Variants in TUSC3 observed in about 807,000 individuals in gnomAD.
TUSC3 encodes the protein dolichyl-diphosphooligosaccharide--protein glycosyltransferase subunit TUSC3.
In TUSC3, 45 loss-of-function variants were observed where a neutral mutation model predicts 44.8. That is an observed-to-expected ratio of 1.00 (90% CI 0.79 to 1.29). TUSC3 has a LOEUF of 1.29. TUSC3 is among the 50% of genes most tolerant of loss of function. The pLI, the probability that TUSC3 is intolerant of heterozygous loss-of-function variation, is 0.00. For missense variants in TUSC3, 519 were observed against 437.9 expected, an observed-to-expected ratio of 1.19 and a Z score of -1.65; for synonymous variants, 212 against 152.9, an observed-to-expected ratio of 1.39 and a Z score of -2.85.
At chr8:15,766,911 G>A (rs1243695993), downstream of TUSC3, among the ~76,000 whole-genome samples, 2 of 152,090 alleles carry the variant, frequency 1.3e-5, no homozygotes, top group Admixed American at 6.6e-5. Flanking sequence ...TCACTGGGGC[G>A]AACACATTAG....
intron 6 of TUSC3, among the ~76,000 whole-genome samples, chr8:15,699,271 A>G (rs201059950): frequency 1.2e-4 from 15 of 129,566 alleles, no homozygotes; most frequent in African/African-American, 4.0e-4. Flanking sequence ...GTAATTAATT[A>G]ATTCATTAAT....
chr8:15,476,939 T>C (rs2129123850), intron 1 of TUSC3, among the ~76,000 whole-genome samples: 1 of 152,320 alleles, frequency 6.6e-6, no homozygotes, highest in East Asian at 1.9e-4. Flanking sequence ...AGGCAGCCAA[T>C]CAGAGGCTAA....
intron 7 of TUSC3, among the ~76,000 whole-genome samples, chr8:15,737,986 C>T (rs1403100876): frequency 2.0e-5 from 3 of 152,108 alleles, no homozygotes; most frequent in South Asian, 2.1e-4. Flanking sequence ...CAACTCAACT[C>T]CTAAAGGCCT....
At chr8:15,783,034 T>G in the TUSC3 span, among the ~76,000 whole-genome samples, 1 of 152,320 alleles carries the variant, frequency 6.6e-6, no homozygotes, top group African/African-American at 2.4e-5. Flanking sequence ...TATATCAATA[T>G]ACAAAAATCA....
At chr8:15,483,217 G>A (rs1480174673) in intron 1 of TUSC3, among the ~76,000 whole-genome samples, 1 of 152,044 alleles carries the variant, frequency 6.6e-6, no homozygotes, top group Non-Finnish European at 1.5e-5. Context: ...GGAGTAAATA[G>A]GAATATACTT....
At chr8:15,696,413 G>A (rs1451904594) in intron 6 of TUSC3, among the ~76,000 whole-genome samples, 1 of 152,172 alleles carries the variant, frequency 6.6e-6, no homozygotes, top group East Asian at 1.9e-4. Context: ...GAAACACCTG[G>A]ATGTCAAAGC....
intron 6 of TUSC3, among the ~76,000 whole-genome samples, chr8:15,719,517 C>A (rs1484732492): frequency 0.064 from 366 of 5,746 alleles, 3 homozygotes; most frequent in African/African-American, 0.2. Flanking sequence ...ACACACACAC[C>A]ACACACACAC....
rs35757466 is a variant in TUSC3 at position 15,555,276 on chromosome 8, ATTTT to A, written c.138+14740_138+14743del. On this transcript the variant is annotated intron_variant, in intron 1 of 10. Coordinates refer to ENST00000503731, the MANE Select transcript of TUSC3 (RefSeq NM_006765.4). ...GTTCATGTGCCACCATGCCAGGCTA[ATTTT>A]TTTTTTTTTTTTTTTTTTTTTTTTT... 2.0e-3 allele frequency among the ~76,000 whole-genome samples: 91 copies of A among 44,862 alleles called. No individual in the cohort carries two copies. The East Asian group carries it at 0.033, about 16-fold the overall frequency. 29.4% of individuals were successfully genotyped at this position (44,862 alleles called of 152,430 possible).
chr8:15,535,937 G>A (rs139504688), upstream of TUSC3, among the ~76,000 whole-genome samples: 14 of 152,272 alleles, frequency 9.2e-5, no homozygotes, highest in African/African-American at 3.1e-4. Context: ...AACCCAGGAC[G>A]GCCTTGAATG....
chr8:15,748,886 A>T (rs1012309906), intron 9 of TUSC3: 6 of 389,576 alleles, frequency 1.5e-5, no homozygotes, highest in South Asian at 1.1e-4. Context: ...AAGAGCCAAC[A>T]TGAAAGGGAA....
chr8:15,687,172 C>T (rs13260607), intron 6 of TUSC3, among the ~76,000 whole-genome samples: 11,987 of 152,132 alleles, frequency 0.079, 723 homozygotes, highest in Non-Finnish European at 0.12. Context: ...TGAGATTCTT[C>T]CCTCTTATTT....
At chr8:15,658,613 A>T in intron 3 of TUSC3, among the ~76,000 whole-genome samples, 1 of 146,246 alleles carries the variant, frequency 6.8e-6, no homozygotes, top group South Asian at 2.2e-4. Context: ...ACAGAAATTT[A>T]ATTCGTGTAT....
intron 2 of TUSC3, among the ~76,000 whole-genome samples, chr8:15,517,683 C>T (rs564299579): frequency 7.2e-5 from 11 of 152,028 alleles, no homozygotes; most frequent in East Asian, 3.9e-4. Context: ...ATACTGCACA[C>T]GAAACAATTG....
chr8:15,778,266 C>G, the TUSC3 span, among the ~76,000 whole-genome samples: 6 of 152,106 alleles, frequency 3.9e-5, no homozygotes, highest in African/African-American at 9.7e-5. Context: ...TTCATACTAA[C>G]GTAATCTGAC....
At chr8:15,696,296 G>T (rs767915724) in intron 6 of TUSC3, among the ~76,000 whole-genome samples, 1 of 152,166 alleles carries the variant, frequency 6.6e-6, no homozygotes, top group African/African-American at 2.4e-5. Flanking sequence ...TGTGGATTCC[G>T]AGGGCACAAG....
chr8:15,458,082 C>T (rs1293689070), intron 1 of TUSC3, among the ~76,000 whole-genome samples: 1 of 151,454 alleles, frequency 6.6e-6, no homozygotes, highest in African/African-American at 2.4e-5. Context: ...ATTATATCAA[C>T]AGGAAAGCAA....
At chr8:15,459,491 T>C (rs1800310695) in intron 1 of TUSC3, among the ~76,000 whole-genome samples, 1 of 152,142 alleles carries the variant, frequency 6.6e-6, no homozygotes, top group South Asian at 2.1e-4. Flanking sequence ...TTCCGTAGGT[T>C]ATTAGGGTAC....
At chr8:15,671,532 G>T (rs1240852152) in intron 5 of TUSC3, among the ~76,000 whole-genome samples, 4 of 152,020 alleles carry the variant, frequency 2.6e-5, no homozygotes, top group Non-Finnish European at 5.9e-5. Flanking sequence ...CCAGCGCTAT[G>T]TGAGTAAATA....
At position 15,610,741 on chromosome 8, in the gene TUSC3, G is replaced by C. The variant is rs17121709; in HGVS notation, c.139-12339G>C. 4.4e-3 allele frequency among the ~76,000 whole-genome samples: 666 copies of C among 152,234 alleles called. 6 individuals carry two copies. The highest frequency in any genetic ancestry group is 0.015 in the African/African-American group (642 of 41,536). On this transcript the variant is annotated intron_variant, in intron 1 of 10. Transcript: ENST00000503731. ...TACTGTGTTAGCAATTCCTATATTA[G>C]AGCGTAAAAGTTTTACAAATTTTCC... is the stretch of plus-strand genomic sequence containing the variant.
Sources: gnomAD v4.1 joint callset for allele counts (sites outside exome capture counted in the v4.1 genomes callset) on GRCh38, gnomAD v4.1.1 for gene constraint, MANE v1.5 for transcripts, NCBI Gene and HGNC (gene_info 2026-07-23, HGNC 2026-07-21) for gene names.